SDK1: variants seen among roughly 807,000 people sequenced by gnomAD.
The protein encoded by SDK1 is sidekick cell adhesion molecule 1.
Under a neutral mutation model 245.5 loss-of-function variants are expected in SDK1, and 157 were observed. The ratio of observed to expected loss-of-function variants is 0.64; its 90% CI spans 0.56 to 0.73. The LOEUF (loss-of-function observed/expected upper bound fraction) is 0.73. Among genes scored for constraint, SDK1 ranks in the 30% least tolerant of loss-of-function variants. The pLI is 0.00. For synonymous variants in SDK1, 1,647 were observed against 1,278.5 expected (o/e 1.29, Z -6.15); for missense variants, 3,583 against 3,002.3 (o/e 1.19, Z -4.52).
At chr7:3,749,327 T>C (rs993230395) in intron 4 of SDK1, among the ~76,000 whole-genome samples, 3 of 150,252 alleles carry the variant, frequency 2.0e-5, no homozygotes, top group Non-Finnish European at 4.4e-5. Flanking sequence ...TGAAATGGAG[T>C]CTCGCCCTGT....
At chr7:3,750,055 C>T (rs144903493) in intron 4 of SDK1, among the ~76,000 whole-genome samples, 3 of 152,306 alleles carry the variant, frequency 2.0e-5, no homozygotes, top group African/African-American at 7.2e-5. Context: ...TAAGTGACTT[C>T]TTTGCCTAGC....
At chr7:3,905,186 TTA>T (rs896866352) in intron 5 of SDK1, among the ~76,000 whole-genome samples, 5 of 152,140 alleles carry the variant, frequency 3.3e-5, no homozygotes, top group African/African-American at 1.2e-4. Context: ...ACCATTTTTT[TTA>T]TTTTTTAAAT....
At chr7:3,446,569 T>G (rs1303278224) in intron 1 of SDK1, among the ~76,000 whole-genome samples, 1 of 152,192 alleles carries the variant, frequency 6.6e-6, no homozygotes, top group African/African-American at 2.4e-5. Context: ...GCTAAATGTT[T>G]TGGATCAATT....
At chr7:3,584,466 C>T (rs779031926) in intron 1 of SDK1, among the ~76,000 whole-genome samples, 16 of 152,140 alleles carry the variant, frequency 1.1e-4, no homozygotes, top group South Asian at 4.1e-4. Context: ...GGTTGCTAAG[C>T]GGCCACCAAG....
intron 22 of SDK1, among the ~76,000 whole-genome samples, chr7:4,103,032 A>T (rs550673820): frequency 1.4e-5 from 2 of 146,688 alleles, no homozygotes; most frequent in East Asian, 4.0e-4. Context: ...ACAGAGTCTC[A>T]CTCTGTCACC....
At chr7:3,617,177 C>T (rs1353923375) in intron 1 of SDK1, among the ~76,000 whole-genome samples, 2 of 152,052 alleles carry the variant, frequency 1.3e-5, no homozygotes, top group Non-Finnish European at 2.9e-5. Context: ...GTTTCCAGCA[C>T]AAAGTAAATA....
chr7:3,644,783 A>AC (rs1782770177), intron 4 of SDK1, among the ~76,000 whole-genome samples: 2 of 141,790 alleles, frequency 1.4e-5, no homozygotes, highest in African/African-American at 5.1e-5. Context: ...CAAAAAAAAA[A>AC]AAAAAAAAAC....
At chr7:3,975,948 G>GGCTGCAAA (rs1285169657) in intron 13 of SDK1, among the ~76,000 whole-genome samples, 57 of 138,776 alleles carry the variant, frequency 4.1e-4, no homozygotes, top group Non-Finnish European at 6.9e-4. Flanking sequence ...CCGGGGCTGA[G>GGCTGCAAA]GCTGCCACGC....
chr7:4,127,469 C>T lies in SDK1; in HGVS notation c.3912C>T (p.Asp1304=). Reference sequence around the variant, plus strand: ...CATGGACATCCGTGCCGGAACAGGACCAGAATGGGCTCATACTGGGCTACA... The same window carrying T: ...CATGGACATCCGTGCCGGAACAGGATCAGAATGGGCTCATACTGGGCTACA... ...LLTWTSVPEQ[D]QNGLILGYKI... Residue 1304 remains aspartate, a synonymous_variant, in exon 26 of 45, where the codon GAC becomes GAT. Coordinates refer to ENST00000404826, the MANE Select transcript of SDK1 (RefSeq NM_152744.4). 1 of 1,613,910 alleles carries T rather than the reference C, an allele frequency of 6.2e-7. No individual in the cohort carries two copies. Among genetic ancestry groups the T allele is most frequent in the Non-Finnish European group, 8.5e-7 (1 of 1,179,798 alleles).
At chr7:4,084,662 A>ATATGTTATGT (rs756197182) in intron 22 of SDK1, among the ~76,000 whole-genome samples, 37 of 140,340 alleles carry the variant, frequency 2.6e-4, no homozygotes, top group African/African-American at 8.1e-4. Context: ...CCTTAAATGT[A>ATATGTTATGT]TATGTTATGT....
At chr7:4,062,109 G>T (rs1166235514) in intron 19 of SDK1, among the ~76,000 whole-genome samples, 3 of 151,700 alleles carry the variant, frequency 2.0e-5, no homozygotes, top group Non-Finnish European at 2.9e-5. Flanking sequence ...TTGTGCACAT[G>T]TACCCTAAAA....
At chr7:4,148,517 T>C (rs976183276) in intron 29 of SDK1, among the ~76,000 whole-genome samples, 1 of 152,182 alleles carries the variant, frequency 6.6e-6, no homozygotes, top group Non-Finnish European at 1.5e-5. Flanking sequence ...ACTGAGTAGA[T>C]GCCGTAGATG....
chr7:3,620,031 C>T (rs1440524700), intron 2 of SDK1, among the ~76,000 whole-genome samples: 5 of 152,150 alleles, frequency 3.3e-5, no homozygotes, highest in Admixed American at 2.0e-4. Context: ...GTCCAGGAGG[C>T]CTCACCATCA....
chr7:4,245,892 A>C (rs1035978224), intron 44 of SDK1, 87 bp downstream of exon 44: 1 of 1,512,762 alleles, frequency 6.6e-7, no homozygotes, highest in Non-Finnish European at 9.1e-7. Flanking sequence ...GTCTTGTCCT[A>C]TTTGAGTCTC....
intron 5 of SDK1, among the ~76,000 whole-genome samples, chr7:3,905,688 C>T (rs983713059): frequency 2.0e-5 from 3 of 151,874 alleles, no homozygotes; most frequent in Non-Finnish European, 2.9e-5. Flanking sequence ...TGCAGTGGCA[C>T]AATCACTCAC....
intron 25 of SDK1, among the ~76,000 whole-genome samples, chr7:4,118,609 A>G (rs1337092383): frequency 1.6e-5 from 2 of 123,862 alleles, no homozygotes; most frequent in African/African-American, 5.6e-5. Flanking sequence ...ACATATGTCT[A>G]CACAAAATCT....
chr7:3,952,505 C>T (rs1181299245), intron 7 of SDK1, among the ~76,000 whole-genome samples: 1 of 152,122 alleles, frequency 6.6e-6, no homozygotes, highest in Non-Finnish European at 1.5e-5. Flanking sequence ...ATCACTTGAA[C>T]CCAGGAGGCA....
At position 3,969,333 on chromosome 7, in the gene SDK1, G is replaced by T. The variant is rs370707319; in HGVS notation, c.1623G>T (p.Ala541=). 10 of 1,610,978 alleles carry T rather than the reference G, an allele frequency of 6.2e-6. No homozygotes were observed. In the Admixed American group the frequency reaches 6.7e-5, roughly 11 times the overall value. Residue 541 remains alanine (A), a synonymous_variant, in exon 11 of 45, where the codon GCG becomes GCT. Transcript: ENST00000404826. The part of the protein sequence containing the change: ...MLLESGGLQI[A]PVFIQDAGNY... Reference sequence around the variant, plus strand: ...TTGAATCGGGGGGTCTACAGATCGCGCCCGTCTTCATCCAGGATGCCGGCA... The same window carrying T: ...TTGAATCGGGGGGTCTACAGATCGCTCCCGTCTTCATCCAGGATGCCGGCA...
At chr7:4,016,130 C>T (rs951115930) in intron 16 of SDK1, among the ~76,000 whole-genome samples, 1 of 152,240 alleles carries the variant, frequency 6.6e-6, no homozygotes, top group East Asian at 1.9e-4. Context: ...GCCCTGCCCG[C>T]GTGGGACCAC....
Sources: allele counts gnomAD v4.1 joint callset (sites outside exome capture counted in the v4.1 genomes callset), GRCh38; gene constraint gnomAD v4.1.1; transcripts MANE v1.5; gene names NCBI Gene and HGNC (gene_info 2026-07-23, HGNC 2026-07-21).